RC3H2: variants seen among roughly 807,000 people sequenced by gnomAD.
The protein encoded by RC3H2 is roquin-2.
A neutral mutation model predicts 133.3 loss-of-function variants in RC3H2; 31 were observed. The ratio of observed to expected loss-of-function variants is 0.23; its 90% CI spans 0.17 to 0.31. The LOEUF (loss-of-function observed/expected upper bound fraction) is 0.31. Among genes scored for constraint, RC3H2 ranks in the 10% least tolerant of loss-of-function variants. The probability of loss-of-function intolerance (pLI) is 1.00; values close to 1 mark genes in which losing one functional copy is unlikely to be tolerated. For synonymous variants in RC3H2, 517 were observed against 502.2 expected (o/e 1.03, Z -0.40); for missense variants, 1,175 against 1,437.2 (o/e 0.82, Z 2.95).
In RC3H2 at chr9:122,858,747, T is replaced by A. The variant is rs756339280; in HGVS notation, c.2205A>T (p.Arg735Ser). 6.2e-7 allele frequency: 1 copy of A among 1,614,234 alleles called. No homozygotes were observed. Among genetic ancestry groups the A allele is most frequent in the Non-Finnish European group, 8.5e-7 (1 of 1,180,038 alleles). ...SSVYQTSLRE[R>S]YNSLDGYYSV... ...AATAATATCCATCTAATGAGTTATA[T>A]CTTTCCCGCAAAGATGTCTGATAGA... is the stretch of plus-strand genomic sequence containing the variant. The change falls in exon 12 of 21, where the codon AGA becomes AGT. Residue 735 changes from arginine (R) to serine (S), a missense_variant. Arg to Ser is a moderately radical substitution (Grantham distance 110, BLOSUM62 -1). Coordinates refer to ENST00000357244, the MANE Select transcript of RC3H2 (RefSeq NM_001100588.3).
At chr9:122,854,875 G>A (rs571780113) in intron 15 of RC3H2, among the ~76,000 whole-genome samples, 4 of 152,174 alleles carry the variant, frequency 2.6e-5, no homozygotes, top group African/African-American at 7.2e-5. Flanking sequence ...AGGCTGAGGC[G>A]GGTGGATCAC....
chr9:122,868,741 A>T (rs1564296286), intron 9 of RC3H2, among the ~76,000 whole-genome samples: 2 of 151,662 alleles, frequency 1.3e-5, no homozygotes, highest in Admixed American at 6.6e-5. Flanking sequence ...TGATCAATAA[A>T]AAATAAATAA....
At chr9:122,868,711 CTG>C (rs1280461565) in intron 9 of RC3H2, among the ~76,000 whole-genome samples, 1 of 151,674 alleles carries the variant, frequency 6.6e-6, no homozygotes, top group East Asian at 1.9e-4. Context: ...AAATCCCCCT[CTG>C]TGAGAAACAC....
rs199828711 is a variant in RC3H2, at chr9:122,861,942, C to G, written c.1635-1811G>C. The stretch of plus-strand genomic sequence containing the variant: ...TTCTTTACATAAAGTAAAATAGAGA[C>G]AACAAGGAAAATGATTAGGATTTCC... On this transcript the variant is annotated intron_variant, in intron 10 of 20. Coordinates refer to ENST00000357244, the MANE Select transcript of RC3H2 (RefSeq NM_001100588.3). 1.4e-4 allele frequency among the ~76,000 whole-genome samples: 22 copies of G among 152,236 alleles called. No homozygotes were observed. The East Asian group carries it at 4.0e-3, about 28-fold the overall frequency.
intron 9 of RC3H2, chr9:122,873,804 A>G (rs189222994): frequency 2.0e-5 from 3 of 152,170 alleles, no homozygotes; most frequent in Admixed American, 2.0e-4. Context: ...CTATACCATA[A>G]TTTTTATTTA....
In RC3H2 at chr9:122,844,684, T is replaced by TTA. The variant is rs768120262; in HGVS notation, c.*4942_*4943insTA. ...CTATTTTGTGAACAGCCAAAGCTAA[T>TTA]ATCTCTTCACTTCAGTGCTACAGCA... On this transcript the variant is annotated 3_prime_UTR_variant, in exon 21 of 21. Coordinates refer to ENST00000357244, the MANE Select transcript of RC3H2 (RefSeq NM_001100588.3). 5.9e-5 allele frequency: 9 copies of TTA among 152,224 alleles called. No individual in the cohort carries two copies. The highest frequency in any genetic ancestry group is 1.3e-4 in the Non-Finnish European group (9 of 68,040). The allele number at this position is 152,224 out of a possible 1,614,324, so 9.4% of individuals were successfully genotyped here.
rs977774116 is a variant in RC3H2, at chr9:122,905,308, C to T, written c.-266G>A. 12 of 985,254 alleles carry T rather than the reference C, an allele frequency of 1.2e-5. No individual in the cohort carries two copies. The highest frequency in any genetic ancestry group is 1.3e-5 in the Non-Finnish European group (11 of 829,628). The allele number at this position is 985,254 out of a possible 1,614,324, so 61.0% of individuals were successfully genotyped here. On this transcript the variant is annotated 5_prime_UTR_variant, in exon 1 of 21. Transcript: ENST00000357244. ...CGGGGCCTCCTCCTCCTCCCTCCAC[C>T]TCCGCCTCCTCCTCCTCCTCCTCCT...
At chr9:122,878,851 C>T (rs1416961341) in intron 8 of RC3H2, among the ~76,000 whole-genome samples, 2 of 151,528 alleles carry the variant, frequency 1.3e-5, no homozygotes, top group Non-Finnish European at 1.5e-5. Flanking sequence ...CGGGTTCAAG[C>T]GATTCTCCTG....
intron 4 of RC3H2, among the ~76,000 whole-genome samples, chr9:122,889,666 C>CA (rs899888867): frequency 3.0e-4 from 44 of 148,562 alleles, no homozygotes; most frequent in Non-Finnish European, 5.2e-4. Flanking sequence ...TTTTTCAGAC[C>CA]AAAAAAAAAG....
At chr9:122,893,655 A>T (rs1303999443) in intron 2 of RC3H2, among the ~76,000 whole-genome samples, 1 of 152,252 alleles carries the variant, frequency 6.6e-6, no homozygotes, top group East Asian at 1.9e-4. Context: ...GGAAAGTTAT[A>T]CAAGTTCTCT....
intron 10 of RC3H2, among the ~76,000 whole-genome samples, chr9:122,862,673 T>C (rs1830501709): frequency 1.3e-5 from 2 of 152,120 alleles, no homozygotes; most frequent in Admixed American, 1.3e-4. Flanking sequence ...GGCGGGCAGA[T>C]CACTTGCGGT....
intron 3 of RC3H2, among the ~76,000 whole-genome samples, chr9:122,891,583 A>G (rs1832174905): frequency 6.6e-6 from 1 of 152,184 alleles, no homozygotes; most frequent in South Asian, 2.1e-4. Flanking sequence ...AACAGCATTC[A>G]ACACACATGA....
At chr9:122,889,132 T>C (rs905512576) in intron 4 of RC3H2, among the ~76,000 whole-genome samples, 1 of 152,194 alleles carries the variant, frequency 6.6e-6, no homozygotes, top group Non-Finnish European at 1.5e-5. Flanking sequence ...TGTATGTTTG[T>C]TACGTAATTT....
rs1295397658 is a variant in RC3H2 at position 122,845,820 on chromosome 9, C to T, written c.*3807G>A. 6.6e-6 allele frequency: 1 copy of T among 152,180 alleles called. No homozygotes were observed. Among genetic ancestry groups the T allele is most frequent in the Non-Finnish European group, 1.5e-5 (1 of 68,036 alleles). The allele number at this position is 152,180 out of a possible 1,614,324, so 9.4% of individuals were successfully genotyped here. A position where few individuals can be genotyped will look rare whatever the true frequency, so the allele number is the denominator to read the frequency against. On this transcript the variant is annotated 3_prime_UTR_variant, in exon 21 of 21. Coordinates refer to ENST00000357244, the MANE Select transcript of RC3H2 (RefSeq NM_001100588.3). Reference sequence around the variant, plus strand: ...AAGGAGTTACAGTAAGTGATCCCATCAAGCCTCTTCATTCACTAAAACAAA... The same window carrying T: ...AAGGAGTTACAGTAAGTGATCCCATTAAGCCTCTTCATTCACTAAAACAAA...
chr9:122,875,666 C>G (rs1831303217), intron 9 of RC3H2, among the ~76,000 whole-genome samples: 1 of 152,154 alleles, frequency 6.6e-6, no homozygotes, highest in Non-Finnish European at 1.5e-5. Flanking sequence ...GGGAATTACC[C>G]TGAAAAAGCG....
chr9:122,875,111 A>C, intron 9 of RC3H2: 1 of 1,392,580 alleles, frequency 7.2e-7, no homozygotes, highest in Non-Finnish European at 9.4e-7. Flanking sequence ...TCTTGATGTG[A>C]AATTCTGTAT....
chr9:122,852,668 C>T (rs1431169781), intron 18 of RC3H2, among the ~76,000 whole-genome samples: 3 of 148,404 alleles, frequency 2.0e-5, no homozygotes, highest in Non-Finnish European at 4.5e-5. Context: ...CCGCCCTGTC[C>T]GGGAGGTGAG....
intron 9 of RC3H2, among the ~76,000 whole-genome samples, chr9:122,877,254 G>T (rs1029819449): frequency 6.6e-6 from 1 of 152,070 alleles, no homozygotes; most frequent in Admixed American, 6.6e-5. Flanking sequence ...TTGTAGAGAC[G>T]GGGGTCTCCT....
chr9:122,849,250 T>C lies in RC3H2; in HGVS notation c.*377A>G, dbSNP rs543404412. On this transcript the variant is annotated 3_prime_UTR_variant, in exon 21 of 21. Coordinates refer to ENST00000357244, the MANE Select transcript of RC3H2 (RefSeq NM_001100588.3). The stretch of plus-strand genomic sequence containing the variant: ...AAGTCTACTTTCACTAGATGTATCA[T>C]TGTAGGATCCTGCTAGTTTAATAAC... The C allele has an allele frequency of 2.9e-4, 44 of 152,288 alleles. No homozygotes were observed. Among genetic ancestry groups the C allele is most frequent in the African/African-American group, 9.6e-4 (40 of 41,552 alleles). 9.4% of individuals were successfully genotyped at this position (152,288 alleles called of 1,614,324 possible).
Sources: allele counts gnomAD v4.1 joint callset (sites outside exome capture counted in the v4.1 genomes callset), GRCh38; gene constraint gnomAD v4.1.1; transcripts MANE v1.5; gene names NCBI Gene and HGNC (gene_info 2026-07-23, HGNC 2026-07-21).